Variants in DLGAP2 observed in about 807,000 individuals in gnomAD.
The protein encoded by DLGAP2 is DLG associated protein 2, also known as disks large-associated protein 2.
A neutral mutation model predicts 100.3 loss-of-function variants in DLGAP2; 26 were observed. The observed-to-expected ratio is 0.26, with a 90% CI of 0.19 to 0.36. DLGAP2 has a LOEUF of 0.36. Ranked by LOEUF, DLGAP2 falls within the 10% of genes least tolerant of loss-of-function variation. The pLI is 1.00. For missense variants in DLGAP2, 1,858 were observed against 1,453.2 expected (o/e 1.28, Z -4.53); for synonymous variants, 886 against 630.1 (o/e 1.41, Z -6.08).
chr8:1,531,381 A>C (rs1785806473), intron 4 of DLGAP2, among the ~76,000 whole-genome samples: 1 of 152,098 alleles, frequency 6.6e-6, no homozygotes, highest in African/African-American at 2.4e-5. Flanking sequence ...TACTTGCTAA[A>C]AGGACCTGTA....
At chr8:1,273,103 T>G (rs1363713777) in intron 3 of DLGAP2, among the ~76,000 whole-genome samples, 1 of 152,178 alleles carries the variant, frequency 6.6e-6, no homozygotes, top group Non-Finnish European at 1.5e-5. Context: ...CCCATTCTTA[T>G]GATAAAAATG....
At chr8:1,318,536 A>G (rs766966900) in intron 3 of DLGAP2, among the ~76,000 whole-genome samples, 13 of 150,810 alleles carry the variant, frequency 8.6e-5, no homozygotes, top group Non-Finnish European at 1.3e-4. Flanking sequence ...TTAGGCCTCC[A>G]CAGGAGGCCT....
rs1293166119 is a variant in DLGAP2 at position 1,705,992 on chromosome 8, A to T, written c.*4586A>T. On this transcript the variant is annotated 3_prime_UTR_variant, in exon 15 of 15. Coordinates refer to ENST00000637795, the MANE Select transcript of DLGAP2 (RefSeq NM_001346810.2). ...TTCAGGGCCATGTGGCAGCCATGAC[A>T]CACACCACATAAGGTCAGCTCAGAG... 5.3e-5 allele frequency: 8 copies of T among 152,188 alleles called. No homozygotes were observed. Among genetic ancestry groups the T allele is most frequent in the Non-Finnish European group, 1.2e-4 (8 of 68,052 alleles). The allele number at this position is 152,188 out of a possible 1,614,324, so 9.4% of individuals were successfully genotyped here.
In DLGAP2 at chr8:1,613,819, G is replaced by A. The variant is rs562237395; in HGVS notation, c.1443-12921G>A. On this transcript the variant is annotated intron_variant, in intron 6 of 14. Transcript: ENST00000637795. ...CCTGCATGTTCAGTTCACTCACACT[G>A]GCCTCCTCTGTATTCTTTTTGGAAA... Among the ~76,000 whole-genome samples, 11 of 152,204 alleles carry A rather than the reference G, an allele frequency of 7.2e-5. No homozygotes were observed. The East Asian group carries it at 2.1e-3, about 29-fold the overall frequency.
Position 835,998 on chromosome 8 carries a change from G to A in DLGAP2, c.19-71914G>A, listed in dbSNP as rs114184460. 3.3e-3 allele frequency among the ~76,000 whole-genome samples: 498 copies of A among 152,254 alleles called. 4 individuals are homozygous for A. Among genetic ancestry groups the A allele is most frequent in the African/African-American group, 0.011 (462 of 41,546 alleles). The stretch of plus-strand genomic sequence containing the variant: ...TGGGTGTAAGACACGTTCCTTCCTT[G>A]GAAGACTTTTTGTCCATGAGTGTGA... On this transcript the variant is annotated intron_variant, in intron 1 of 14. Coordinates refer to ENST00000637795, the MANE Select transcript of DLGAP2 (RefSeq NM_001346810.2).
intron 2 of DLGAP2, among the ~76,000 whole-genome samples, chr8:1,077,592 G>C (rs1803663184): frequency 6.6e-6 from 1 of 152,184 alleles, no homozygotes; most frequent in African/African-American, 2.4e-5. Context: ...AGGTGAGATG[G>C]TGTATGCTCG....
At chr8:756,801 G>A (rs1232297325) in intron 1 of DLGAP2, among the ~76,000 whole-genome samples, 1 of 152,072 alleles carries the variant, frequency 6.6e-6, no homozygotes, top group Non-Finnish European at 1.5e-5. Context: ...CAGATCTCCC[G>A]CCTCCGGTCT....
chr8:792,263 A>T (rs897616320), intron 1 of DLGAP2, among the ~76,000 whole-genome samples: 7 of 152,124 alleles, frequency 4.6e-5, no homozygotes, highest in South Asian at 2.1e-4. Context: ...GCATTGTATT[A>T]TTTTTCTTAC....
chr8:1,378,596 G>T (rs1323462358), intron 3 of DLGAP2, among the ~76,000 whole-genome samples: 2 of 151,546 alleles, frequency 1.3e-5, no homozygotes, highest in Non-Finnish European at 2.9e-5. Context: ...TGTCCATCCT[G>T]CTCACACCTG....
At chr8:1,011,321 C>A (rs894437899) in intron 2 of DLGAP2, among the ~76,000 whole-genome samples, 1 of 149,804 alleles carries the variant, frequency 6.7e-6, no homozygotes. Flanking sequence ...ACAGTGGACC[C>A]TGGAATGAGG....
intron 3 of DLGAP2, among the ~76,000 whole-genome samples, chr8:1,453,120 A>G (rs1025797039): frequency 6.6e-6 from 1 of 151,954 alleles, no homozygotes; most frequent in African/African-American, 2.4e-5. Context: ...TCGGGAGCTG[A>G]GATGCCAGGA....
chr8:901,008 A>C (rs1010339297), intron 1 of DLGAP2, among the ~76,000 whole-genome samples: 6 of 152,216 alleles, frequency 3.9e-5, no homozygotes, highest in Non-Finnish European at 5.9e-5. Flanking sequence ...AAGTCGGGGT[A>C]GGTTGGGTGT....
intron 2 of DLGAP2, chr8:1,002,828 G>A (rs1032942506): frequency 2.6e-5 from 4 of 152,300 alleles, no homozygotes; most frequent in Non-Finnish European, 5.9e-5. Context: ...ACCGAGTCCT[G>A]GACTAGGGAG....
intron 2 of DLGAP2, among the ~76,000 whole-genome samples, chr8:1,225,789 G>C (rs1798401642): frequency 6.6e-6 from 1 of 152,106 alleles, no homozygotes; most frequent in Non-Finnish European, 1.5e-5. Flanking sequence ...TGTGTATTGT[G>C]GTGAATGCAG....
chr8:1,615,999 T>A (rs1158508889), intron 6 of DLGAP2, among the ~76,000 whole-genome samples: 1 of 151,840 alleles, frequency 6.6e-6, no homozygotes, highest in Non-Finnish European at 1.5e-5. Context: ...TGTTACAAGG[T>A]TAAAGATGTT....
intron 2 of DLGAP2, among the ~76,000 whole-genome samples, chr8:929,829 C>T (rs988788115): frequency 3.3e-5 from 5 of 151,188 alleles, no homozygotes; most frequent in Non-Finnish European, 5.9e-5. Flanking sequence ...TAGTACAAGT[C>T]ATTTCCACTT....
At chr8:1,177,333 A>G (rs769431350) in intron 2 of DLGAP2, among the ~76,000 whole-genome samples, 5 of 152,068 alleles carry the variant, frequency 3.3e-5, no homozygotes, top group Non-Finnish European at 7.4e-5. Context: ...GAGGCATTAT[A>G]TCATAAGCCT....
chr8:1,540,997 G>C (rs1801344729), intron 4 of DLGAP2, among the ~76,000 whole-genome samples: 1 of 152,150 alleles, frequency 6.6e-6, no homozygotes, highest in South Asian at 2.1e-4. Context: ...CCACAGTTTG[G>C]TAACCAGCAC....
chr8:761,910 C>T (rs1237108979), intron 1 of DLGAP2, among the ~76,000 whole-genome samples: 5 of 152,184 alleles, frequency 3.3e-5, no homozygotes, highest in African/African-American at 4.8e-5. Flanking sequence ...AGAAAGTGAA[C>T]GCCCCTGAAG....
Sources: gnomAD v4.1 joint callset for allele counts (sites outside exome capture counted in the v4.1 genomes callset) on GRCh38, gnomAD v4.1.1 for gene constraint, MANE v1.5 for transcripts, NCBI Gene and HGNC (gene_info 2026-07-23, HGNC 2026-07-21) for gene names.